Variants in EXOC6B observed in about 807,000 individuals in gnomAD.
EXOC6B encodes the protein exocyst complex component 6B.
In EXOC6B, 54 loss-of-function variants were observed where a neutral mutation model predicts 113.5. The ratio of observed to expected loss-of-function variants is 0.48; its 90% CI spans 0.38 to 0.60. EXOC6B has a LOEUF of 0.60. Ranked by LOEUF, EXOC6B falls within the 20% of genes least tolerant of loss-of-function variation. EXOC6B has a pLI of 0.00. For synonymous variants in EXOC6B, 357 were observed against 339.0 expected, an observed-to-expected ratio of 1.05 and a Z score of -0.58; for missense variants, 797 against 977.5, an observed-to-expected ratio of 0.82 and a Z score of 2.46.
intron 6 of EXOC6B, among the ~76,000 whole-genome samples, chr2:72,584,028 AG>A (rs760876217): frequency 3.9e-5 from 6 of 151,938 alleles, no homozygotes; most frequent in South Asian, 2.1e-4. Context: ...CGGCCCCTTA[AG>A]GGAGTTCTAA....
chr2:72,575,676 A>T lies in EXOC6B; in HGVS notation c.670-8T>A, dbSNP rs1405362962. ...GTTTCTTTGCTGCTGGGCCTAGGATAGAGAAGAACACACACAAACACACCA... is the reference window on the plus strand; with the variant it reads ...GTTTCTTTGCTGCTGGGCCTAGGATTGAGAAGAACACACACAAACACACCA... On this transcript the variant is annotated splice_polypyrimidine_tract_variant and splice_region_variant and intron_variant, in intron 6 of 21. Coordinates refer to ENST00000272427, the MANE Select transcript of EXOC6B (RefSeq NM_015189.3). 1.3e-6 allele frequency: 2 copies of T among 1,577,362 alleles called. No individual in the cohort carries two copies. Among genetic ancestry groups the T allele is most frequent in the African/African-American group, 2.8e-5 (2 of 72,690 alleles).
At chr2:72,305,691 G>A (rs1163335108) in intron 20 of EXOC6B, among the ~76,000 whole-genome samples, 1 of 152,086 alleles carries the variant, frequency 6.6e-6, no homozygotes, top group Non-Finnish European at 1.5e-5. Context: ...TCATGGACTT[G>A]TAATGATTAA....
At chr2:72,757,050 A>C (rs1051461455) in intron 1 of EXOC6B, among the ~76,000 whole-genome samples, 2 of 152,198 alleles carry the variant, frequency 1.3e-5, no homozygotes, top group African/African-American at 4.8e-5. Flanking sequence ...TTTCTGTATT[A>C]CTTTATCTAT....
At chr2:72,277,953 A>G (rs895039783) in intron 20 of EXOC6B, among the ~76,000 whole-genome samples, 4 of 152,134 alleles carry the variant, frequency 2.6e-5, no homozygotes, top group Non-Finnish European at 5.9e-5. Context: ...TGCAATATAT[A>G]TGTATGAAAT....
intron 8 of EXOC6B, among the ~76,000 whole-genome samples, chr2:72,545,745 A>G (rs1247911005): frequency 2.0e-5 from 3 of 152,224 alleles, no homozygotes; most frequent in Admixed American, 6.5e-5. Context: ...AAATACTACT[A>G]CAAAAGTATC....
intron 2 of EXOC6B, among the ~76,000 whole-genome samples, chr2:72,737,633 C>T (rs1443573147): frequency 6.6e-6 from 1 of 152,126 alleles, no homozygotes; most frequent in Non-Finnish European, 1.5e-5. Flanking sequence ...GTGGGCGGAA[C>T]TCCCAGGCTG....
chr2:72,659,251 T>C (rs1249199591), intron 6 of EXOC6B, among the ~76,000 whole-genome samples: 3 of 152,044 alleles, frequency 2.0e-5, no homozygotes, highest in African/African-American at 7.2e-5. Context: ...AAGAAGCAAA[T>C]AACTCTCATG....
At chr2:72,369,356 A>C (rs1476561292) in intron 19 of EXOC6B, among the ~76,000 whole-genome samples, 1 of 152,218 alleles carries the variant, frequency 6.6e-6, no homozygotes, top group East Asian at 1.9e-4. Flanking sequence ...TCAACGAAAT[A>C]AAAGAGGATA....
chr2:72,544,680 T>C (rs919575484), intron 8 of EXOC6B, among the ~76,000 whole-genome samples: 1 of 152,156 alleles, frequency 6.6e-6, no homozygotes, highest in Non-Finnish European at 1.5e-5. Context: ...TGCCCTCTTT[T>C]ATATTTTTTA....
chr2:72,465,077 G>T, intron 18 of EXOC6B, 83 bp downstream of exon 18: 1 of 1,191,796 alleles, frequency 8.4e-7, no homozygotes, highest in Non-Finnish European at 1.2e-6. Flanking sequence ...GGTAGTTACA[G>T]CAGAAACTAA....
At chr2:72,686,687 G>A (rs1052901463) in intron 6 of EXOC6B, among the ~76,000 whole-genome samples, 5 of 152,166 alleles carry the variant, frequency 3.3e-5, no homozygotes, top group South Asian at 4.2e-4. Context: ...AACTTCTCAT[G>A]CAAGCCATAA....
chr2:72,418,834 TC>T (rs1430076760), intron 18 of EXOC6B, among the ~76,000 whole-genome samples: 1 of 152,198 alleles, frequency 6.6e-6, no homozygotes, highest in East Asian at 1.9e-4. Flanking sequence ...GGAGGGACTT[TC>T]TTTTGTCATT....
At chr2:72,616,778 T>C (rs899218816) in intron 6 of EXOC6B, among the ~76,000 whole-genome samples, 3 of 152,022 alleles carry the variant, frequency 2.0e-5, no homozygotes, top group Admixed American at 2.0e-4. Flanking sequence ...AACCATATCA[T>C]TCCAATCCAG....
intron 20 of EXOC6B, among the ~76,000 whole-genome samples, chr2:72,294,754 A>G (rs1232121824): frequency 6.6e-6 from 1 of 152,142 alleles, no homozygotes; most frequent in Non-Finnish European, 1.5e-5. Context: ...AATAATCTCA[A>G]TTCAATTTTT....
At chr2:72,342,547 G>A (rs1689093132) in intron 19 of EXOC6B, among the ~76,000 whole-genome samples, 2 of 152,082 alleles carry the variant, frequency 1.3e-5, no homozygotes, top group African/African-American at 4.8e-5. Flanking sequence ...ATGAACGTTG[G>A]TGAGGGTGTG....
intron 8 of EXOC6B, among the ~76,000 whole-genome samples, chr2:72,536,761 C>T (rs1702313370): frequency 6.6e-6 from 1 of 152,206 alleles, no homozygotes; most frequent in African/African-American, 2.4e-5. Flanking sequence ...CCAGCCACTA[C>T]TAGCCTATAC....
chr2:72,768,650 T>C (rs1021474372), intron 1 of EXOC6B, among the ~76,000 whole-genome samples: 1 of 151,636 alleles, frequency 6.6e-6, no homozygotes, highest in African/African-American at 2.4e-5. Flanking sequence ...CTAACTGATA[T>C]TATGAAAATA....
At chr2:72,550,821 T>C (rs899860124) in intron 8 of EXOC6B, among the ~76,000 whole-genome samples, 4 of 152,106 alleles carry the variant, frequency 2.6e-5, no homozygotes, top group African/African-American at 9.7e-5. Flanking sequence ...ATGTCTATAG[T>C]TTATGCCAAA....
intron 2 of EXOC6B, among the ~76,000 whole-genome samples, chr2:72,737,590 A>G (rs1681045102): frequency 6.6e-6 from 1 of 152,218 alleles, no homozygotes; most frequent in African/African-American, 2.4e-5. Flanking sequence ...GCAGTGGCTC[A>G]GACCTGTAAT....
Sources: allele counts gnomAD v4.1 joint callset (sites outside exome capture counted in the v4.1 genomes callset), GRCh38; gene constraint gnomAD v4.1.1; transcripts MANE v1.5; gene names NCBI Gene and HGNC (gene_info 2026-07-23, HGNC 2026-07-21).